The following ESRRG variants were observed in gnomAD, a reference collection of about 807,000 sequenced individuals.
ESRRG encodes the protein estrogen-related receptor gamma.
ESRRG carries 13 observed loss-of-function variants against 44.0 expected under a neutral mutation model. The observed-to-expected ratio is 0.30, with a 90% CI of 0.19 to 0.47. The LOEUF (loss-of-function observed/expected upper bound fraction) is 0.47, where lower values mean the gene tolerates loss of function less well. Among genes scored for constraint, ESRRG ranks in the 20% least tolerant of loss-of-function variants. ESRRG has a pLI of 1.00. For missense variants in ESRRG, 395 were observed against 580.6 expected (o/e 0.68, Z 3.29); for synonymous variants, 215 against 214.6 (o/e 1.00, Z -0.02).
chr1:216,922,862 C>T (rs2149730274), intron 2 of ESRRG, among the ~76,000 whole-genome samples: 1 of 152,276 alleles, frequency 6.6e-6, no homozygotes, highest in East Asian at 1.9e-4. Flanking sequence ...CTGTTGTGCG[C>T]CATACGGGTA....
intron 2 of ESRRG, among the ~76,000 whole-genome samples, chr1:216,900,287 C>T (rs1224185285): frequency 2.0e-5 from 3 of 152,176 alleles, no homozygotes; most frequent in Non-Finnish European, 4.4e-5. Context: ...GGGCCGACAA[C>T]TTGCAAATCT....
chr1:216,561,317 G>A (rs975770761), intron 5 of ESRRG, among the ~76,000 whole-genome samples: 11 of 151,912 alleles, frequency 7.2e-5, no homozygotes, highest in South Asian at 2.1e-4. Flanking sequence ...TATACAAACC[G>A]AGAACAGCAT....
intron 1 of ESRRG, among the ~76,000 whole-genome samples, chr1:216,712,925 T>C (rs2151984711): frequency 6.6e-6 from 1 of 152,338 alleles, no homozygotes; most frequent in African/African-American, 2.4e-5. Flanking sequence ...CAATGAAATA[T>C]ATTTTAAGGA....
intron 1 of ESRRG, among the ~76,000 whole-genome samples, chr1:216,971,227 T>G (rs995326510): frequency 6.6e-6 from 1 of 152,218 alleles, no homozygotes; most frequent in African/African-American, 2.4e-5. Flanking sequence ...GAACTCTTGA[T>G]GAAGAATAGA....
intron 2 of ESRRG, among the ~76,000 whole-genome samples, chr1:216,659,570 T>C (rs2151198071): frequency 6.6e-6 from 1 of 152,292 alleles, no homozygotes; most frequent in South Asian, 2.1e-4. Flanking sequence ...CAGTCCCAGG[T>C]CGACTTCTAC....
chr1:216,987,813 T>C (rs2075107557), intron 1 of ESRRG, among the ~76,000 whole-genome samples: 1 of 152,158 alleles, frequency 6.6e-6, no homozygotes, highest in African/African-American at 2.4e-5. Context: ...TCTGCTTGCA[T>C]GGCAGCAGAG....
chr1:216,965,550 A>G (rs1177623133), intron 1 of ESRRG, among the ~76,000 whole-genome samples: 1 of 152,088 alleles, frequency 6.6e-6, no homozygotes, highest in Non-Finnish European at 1.5e-5. Context: ...ATGCCCATCT[A>G]GAGCCTATGC....
intron 2 of ESRRG, among the ~76,000 whole-genome samples, chr1:216,798,135 T>A (rs1274355963): frequency 6.6e-6 from 1 of 152,170 alleles, no homozygotes; most frequent in Non-Finnish European, 1.5e-5. Flanking sequence ...TTTCCTTCTT[T>A]CTTTTTTCTT....
intron 3 of ESRRG, among the ~76,000 whole-genome samples, chr1:216,642,297 T>C (rs1216522108): frequency 6.6e-6 from 1 of 152,064 alleles, no homozygotes; most frequent in African/African-American, 2.4e-5. Context: ...ACACAGCACA[T>C]AGCCTAAGGT....
intron 2 of ESRRG, among the ~76,000 whole-genome samples, chr1:216,766,588 A>T (rs938160317): frequency 6.6e-6 from 1 of 152,174 alleles, no homozygotes; most frequent in Non-Finnish European, 1.5e-5. Flanking sequence ...GTGCTAAAAA[A>T]AAAAATATCT....
intron 2 of ESRRG, among the ~76,000 whole-genome samples, chr1:216,654,399 G>T (rs2069865619): frequency 6.6e-6 from 1 of 152,040 alleles, no homozygotes; most frequent in Admixed American, 6.6e-5. Context: ...GCCAAGGAGG[G>T]TGGATCACTC....
intron 4 of ESRRG, 149 bp downstream of exon 4, chr1:216,567,839 C>G: frequency 1.7e-6 from 1 of 593,128 alleles, no homozygotes; most frequent in African/African-American, 1.9e-5. Context: ...TCGCTCCTCA[C>G]AGACAATCTT....
At chr1:216,572,242 T>C (rs544734117) in intron 3 of ESRRG, among the ~76,000 whole-genome samples, 287 of 152,186 alleles carry the variant, frequency 1.9e-3, no homozygotes, top group African/African-American at 6.5e-3. Flanking sequence ...ATACTGAAAG[T>C]AATCATCAAT....
At chr1:216,514,956 TTA>T (rs1491431050) in intron 6 of ESRRG, among the ~76,000 whole-genome samples, 2 of 89,344 alleles carry the variant, frequency 2.2e-5, no homozygotes, top group Non-Finnish European at 4.5e-5. Context: ...CAGTTTTACT[TTA>T]TACACACACA....
intron 1 of ESRRG, among the ~76,000 whole-genome samples, chr1:216,973,868 G>C (rs2072283975): frequency 6.7e-6 from 1 of 150,350 alleles, no homozygotes; most frequent in Non-Finnish European, 1.5e-5. Flanking sequence ...TGAATGAATA[G>C]ATGAATCCCA....
intron 1 of ESRRG, among the ~76,000 whole-genome samples, chr1:216,715,742 T>A (rs2084718020): frequency 6.6e-6 from 1 of 152,140 alleles, no homozygotes; most frequent in South Asian, 2.1e-4. Context: ...TAAATATTGT[T>A]ACATAATAAC....
intron 1 of ESRRG, among the ~76,000 whole-genome samples, chr1:217,131,373 T>TA (rs2092963199): frequency 6.6e-6 from 1 of 151,160 alleles, no homozygotes; most frequent in South Asian, 2.1e-4. Flanking sequence ...TAATTCAAGT[T>TA]AAAAAAATAT....
chr1:216,824,800 T>C (rs1246407472), intron 2 of ESRRG, among the ~76,000 whole-genome samples: 1 of 152,242 alleles, frequency 6.6e-6, no homozygotes. Flanking sequence ...TGTCTTATTA[T>C]GGCAAATTTG....
intron 1 of ESRRG, among the ~76,000 whole-genome samples, chr1:216,688,851 T>C (rs2078522186): frequency 1.3e-5 from 2 of 152,170 alleles, no homozygotes; most frequent in South Asian, 2.1e-4. Context: ...ATTGTATTTT[T>C]GGTAAGGAAA....
Sources: allele counts gnomAD v4.1 joint callset (sites outside exome capture counted in the v4.1 genomes callset), GRCh38; gene constraint gnomAD v4.1.1; transcripts MANE v1.5; gene names NCBI Gene and HGNC (gene_info 2026-07-23, HGNC 2026-07-21).